MUSK: variants seen among roughly 807,000 people sequenced by gnomAD.
MUSK encodes the protein muscle associated receptor tyrosine kinase.
In MUSK, 55 loss-of-function variants were observed where a neutral mutation model predicts 88.7. That is an observed-to-expected ratio of 0.62 (90% confidence interval 0.50 to 0.78). The LOEUF (loss-of-function observed/expected upper bound fraction) is 0.78, where lower values mean the gene tolerates loss of function less well. Ranked by LOEUF, MUSK falls within the 30% of genes least tolerant of loss-of-function variation. The pLI is 0.00. For missense variants in MUSK, 1,015 were observed against 1,074.3 expected, an observed-to-expected ratio of 0.94 and a Z score of 0.77; for synonymous variants, 387 against 391.9, an observed-to-expected ratio of 0.99 and a Z score of 0.15.
In MUSK at chr9:110,804,003, C is replaced by T. The variant is rs191294376; in HGVS notation, c.*3015C>T. ...AGATACCAGAGTATTTTTCACATGA[C>T]ACCCAAAAACATATTCTCTGCTATC... On this transcript the variant is annotated 3_prime_UTR_variant, in exon 15 of 15. Transcript: ENST00000374448. 4.6e-5 allele frequency among the ~76,000 whole-genome samples: 7 copies of T among 152,266 alleles called. 1 individual carries two copies. Among genetic ancestry groups the T allele is most frequent in the African/African-American group, 1.7e-4 (7 of 41,566 alleles).
rs543648997 is a variant in MUSK, at chr9:110,700,750, G to T, written c.628+3284G>T. ...AATGTGGTGCTGGATAATGCACAAG[G>T]GTTGTATTTGGGGGCCAAGTAGAAT... On this transcript the variant is annotated intron_variant, in intron 5 of 14. Transcript: ENST00000374448. Among the ~76,000 whole-genome samples, 5 of 152,238 alleles carry T rather than the reference G, an allele frequency of 3.3e-5. 1 individual carries two copies. The highest frequency in any genetic ancestry group is 9.6e-5 in the African/African-American group (4 of 41,546).
chr9:110,694,154 C>T (rs1191285950), intron 3 of MUSK, among the ~76,000 whole-genome samples: 2 of 146,484 alleles, frequency 1.4e-5, no homozygotes. Context: ...GGGCAGAACA[C>T]GAGGTCAGGA....
intron 5 of MUSK, among the ~76,000 whole-genome samples, chr9:110,717,921 A>T (rs956826061): frequency 1.3e-5 from 2 of 152,180 alleles, no homozygotes; most frequent in East Asian, 3.9e-4. Context: ...CTCTGTAACG[A>T]ATTACACAGA....
intron 5 of MUSK, among the ~76,000 whole-genome samples, chr9:110,713,007 T>C (rs1425732975): frequency 6.6e-6 from 1 of 152,078 alleles, no homozygotes; most frequent in Non-Finnish European, 1.5e-5. Context: ...CAACAGGGCT[T>C]TGATTGATGA....
intron 2 of MUSK, among the ~76,000 whole-genome samples, chr9:110,686,828 G>C (rs1179921265): frequency 6.6e-6 from 1 of 152,082 alleles, no homozygotes; most frequent in Non-Finnish European, 1.5e-5. Flanking sequence ...GGTTTTATAT[G>C]CTTTTCTGAA....
rs2078135274 is a variant in MUSK at position 110,804,446 on chromosome 9, CTT to C, written c.*3460_*3461del. Among the ~76,000 whole-genome samples, 5 of 151,902 alleles carry C rather than the reference CTT, an allele frequency of 3.3e-5. No individual in the cohort carries two copies. The highest frequency in any genetic ancestry group is 7.4e-5 in the Non-Finnish European group (5 of 67,920). On this transcript the variant is annotated 3_prime_UTR_variant, in exon 15 of 15. Transcript: ENST00000374448. ...TCTGTTTTTTAGAAATCTTTTGTCT[CTT>C]TGGTTATAGAAAAAGAGAACCTCTT...
chr9:110,786,881 C>A (rs1355305695), intron 13 of MUSK, among the ~76,000 whole-genome samples: 1 of 152,054 alleles, frequency 6.6e-6, no homozygotes, highest in Non-Finnish European at 1.5e-5. Context: ...TGCTCTTGGG[C>A]AAGACACAAC....
At chr9:110,695,970 A>C (rs889506747) in intron 4 of MUSK, among the ~76,000 whole-genome samples, 3 of 152,166 alleles carry the variant, frequency 2.0e-5, no homozygotes, top group African/African-American at 4.8e-5. Context: ...GAAAAGACTC[A>C]AGACTCATAC....
In MUSK at chr9:110,802,389, TAAC is replaced by T. The variant is rs2078108733; in HGVS notation, c.*1403_*1405del. Among the ~76,000 whole-genome samples, 1 of 152,042 alleles carries T rather than the reference TAAC, an allele frequency of 6.6e-6. No homozygotes were observed. Among genetic ancestry groups the T allele is most frequent in the African/African-American group, 2.4e-5 (1 of 41,394 alleles). Reference sequence around the variant, plus strand: ...CTGAAAACGAACAGGGAAGAGAAAATAACAGTCTACTCTATACCAGCTTATCTT... The same window carrying T: ...CTGAAAACGAACAGGGAAGAGAAAATAGTCTACTCTATACCAGCTTATCTT... On this transcript the variant is annotated 3_prime_UTR_variant, in exon 15 of 15. Coordinates refer to ENST00000374448, the MANE Select transcript of MUSK (RefSeq NM_005592.4).
chr9:110,778,147 G>A (rs2077698447), intron 11 of MUSK, among the ~76,000 whole-genome samples: 1 of 152,108 alleles, frequency 6.6e-6, no homozygotes, highest in Non-Finnish European at 1.5e-5. Context: ...CAAAAGAGCT[G>A]TTAATCATTT....
At chr9:110,797,341 C>G (rs934997232) in intron 14 of MUSK, among the ~76,000 whole-genome samples, 6 of 151,356 alleles carry the variant, frequency 4.0e-5, no homozygotes, top group African/African-American at 1.5e-4. Flanking sequence ...TTAGGGCAGT[C>G]GAGGCAGTGA....
intron 2 of MUSK, 124 bp from the exon 3 acceptor site, chr9:110,686,993 C>T: frequency 1.2e-6 from 1 of 842,760 alleles, no homozygotes; most frequent in Non-Finnish European, 1.9e-6. Context: ...ATTCAGAAGT[C>T]ACTCAAGTTT....
intron 8 of MUSK, among the ~76,000 whole-genome samples, chr9:110,764,898 T>C (rs946955259): frequency 6.6e-6 from 1 of 152,196 alleles, no homozygotes; most frequent in African/African-American, 2.4e-5. Flanking sequence ...CAAAACCTAT[T>C]GTCTTTTTTT....
At chr9:110,791,082 T>TA (rs1344852993) in intron 14 of MUSK, among the ~76,000 whole-genome samples, 10 of 151,628 alleles carry the variant, frequency 6.6e-5, no homozygotes, top group Non-Finnish European at 1.2e-4. Flanking sequence ...GTAGGATCAA[T>TA]AGATTAAAAG....
At chr9:110,677,771 A>G (rs2076050418) in intron 1 of MUSK, among the ~76,000 whole-genome samples, 1 of 152,132 alleles carries the variant, frequency 6.6e-6, no homozygotes. Context: ...ATTATTTATC[A>G]TGTTAAAGAA....
chr9:110,691,347 G>A (rs2076353712), intron 3 of MUSK, among the ~76,000 whole-genome samples: 1 of 152,006 alleles, frequency 6.6e-6, no homozygotes, highest in Non-Finnish European at 1.5e-5. Context: ...GAGTTTGTGG[G>A]CACAAACTTC....
rs1383694949 is a variant in MUSK, at chr9:110,689,561, T to G, written c.358+2293T>G. 2.1e-3 allele frequency among the ~76,000 whole-genome samples: 118 copies of G among 55,844 alleles called. 1 individual carries two copies. Among genetic ancestry groups the G allele is most frequent in the African/African-American group, 0.011 (106 of 10,038 alleles). 36.6% of individuals were successfully genotyped at this position (55,844 alleles called of 152,430 possible). On this transcript the variant is annotated intron_variant, in intron 3 of 14. Coordinates refer to ENST00000374448, the MANE Select transcript of MUSK (RefSeq NM_005592.4). ...TATATAGTTATATATATTTATATAT[T>G]ATATATATTTATATATTTTTTACTA... is the stretch of plus-strand genomic sequence containing the variant.
At chr9:110,689,346 AT>A (rs1324670905) in intron 3 of MUSK, among the ~76,000 whole-genome samples, 1 of 118,588 alleles carries the variant, frequency 8.4e-6, no homozygotes, top group Admixed American at 9.7e-5. Flanking sequence ...ATATAAATAT[AT>A]AAATATATAT....
chr9:110,800,427 G>GAGC lies in MUSK; in HGVS notation c.2049_2050insAGC (p.Ser684dup). On this transcript the variant is annotated inframe_insertion, in exon 15 of 15. Coordinates refer to ENST00000374448, the MANE Select transcript of MUSK (RefSeq NM_005592.4). Reference sequence around the variant, plus strand: ...TGTGCAGCCTCAGTCACAGTGACTTGTCTATGAGGGCTCAGGTCTCCAGCC... The same window carrying GAGC: ...TGTGCAGCCTCAGTCACAGTGACTTGAGCTCTATGAGGGCTCAGGTCTCCAGCC... 2 of 1,613,816 alleles carry GAGC rather than the reference G, an allele frequency of 1.2e-6. No homozygotes were observed. The highest frequency in any genetic ancestry group is 1.7e-6 in the Non-Finnish European group (2 of 1,179,854).
Sources: allele counts gnomAD v4.1 joint callset (sites outside exome capture counted in the v4.1 genomes callset), GRCh38; gene constraint gnomAD v4.1.1; transcripts MANE v1.5; gene names NCBI Gene and HGNC (gene_info 2026-07-23, HGNC 2026-07-21).